TAAR8: variants seen among roughly 807,000 people sequenced by gnomAD.
TAAR8 encodes trace amine-associated receptor 8.
For missense variants in TAAR8, 459 were observed against 405.8 expected (o/e 1.13, Z -1.13); for synonymous variants, 157 against 152.7 (o/e 1.03, Z -0.21).
In TAAR8 at chr6:132,553,124, C is replaced by T. The variant is rs537371286; in HGVS notation, c.432C>T (p.Thr144=). 2.7e-5 allele frequency: 44 copies of T among 1,614,148 alleles called. No individual in the cohort carries two copies. The South Asian group carries it at 3.1e-4, about 11-fold the overall frequency. The stretch of plus-strand genomic sequence containing the variant: ...CCCTGGTCTATGCTACCAAGTTCAC[C>T]GTGTCTGTGTCGGGAATTTGCATCA... The change falls in exon 1 of 1, where the codon ACC becomes ACT. Residue 144 remains threonine (T), a synonymous_variant. Coordinates refer to ENST00000275200, the Ensembl canonical transcript of TAAR8.
exon 1 of TAAR8, chr6:132,553,267 T>C (rs146818293): frequency 1.6e-3 from 2,642 of 1,614,196 alleles, no homozygotes; most frequent in Non-Finnish European, 2.1e-3. Context: ...TGTCAAATTA[T>C]TGTAAGTCAA....
exon 1 of TAAR8, chr6:132,552,748 G>T (rs189238015): frequency 6.2e-7 from 1 of 1,614,150 alleles, no homozygotes; most frequent in African/African-American, 1.3e-5. Context: ...GATGTGAATG[G>T]ATCTTGTATT....
In TAAR8 at chr6:132,553,286, G is replaced by A. The variant is rs571489659; in HGVS notation, c.594G>A (p.Val198=). The A allele has an allele frequency of 1.5e-5, 25 of 1,614,152 alleles. No homozygotes were observed. The African/African-American group carries it at 3.1e-4, about 20-fold the overall frequency. ...AAATTATTGTAAGTCAAGGCTGGGT[G>A]TTGATAGATTTTCTGTTATTCTTCA... is the stretch of plus-strand genomic sequence containing the variant. The change falls in exon 1 of 1, where the codon GTG becomes GTA. Residue 198 remains valine (V), a synonymous_variant. Transcript: ENST00000275200.
chr6:132,553,224 G>T lies in TAAR8; in HGVS notation c.532G>T (p.Glu178Ter). The stretch of plus-strand genomic sequence containing the variant: ...AGGTGTCAATGATGATGGGCTGGAG[G>T]AATTAGTAAGTGCTCTCAACTGCGT... The change falls in exon 1 of 1, where the codon GAA (glutamate) becomes TAA (stop). Residue 178 changes from glutamate to a stop codon, truncating the protein, a stop_gained. Transcript: ENST00000275200. LOFTEE classifies it low-confidence loss of function (END_TRUNC). 1 of 1,614,180 alleles carries T rather than the reference G, an allele frequency of 6.2e-7. No homozygotes were observed. Among genetic ancestry groups the T allele is most frequent in the Non-Finnish European group, 8.5e-7 (1 of 1,180,034 alleles).
chr6:132,553,109 T>C (rs1361456312), exon 1 of TAAR8: 1 of 1,614,230 alleles, frequency 6.2e-7, no homozygotes, highest in Admixed American at 1.7e-5. Context: ...CCCTGGTCTA[T>C]GCTACCAAGT....
chr6:132,553,186 C>T (rs200069565), exon 1 of TAAR8: 2 of 1,614,196 alleles, frequency 1.2e-6, no homozygotes, highest in Non-Finnish European at 8.5e-7. Context: ...TACAGCGGTG[C>T]TGTGTTCTAC....
At chr6:132,552,900 A>T (rs1466137057) in exon 1 of TAAR8, 3 of 1,613,886 alleles carry the variant, frequency 1.9e-6, no homozygotes, top group African/African-American at 2.7e-5. Flanking sequence ...CAATTTTCTC[A>T]TTGCCTCTCT....
exon 1 of TAAR8, chr6:132,553,716 G>C (rs540555490): frequency 6.5e-7 from 1 of 1,527,380 alleles, no homozygotes; most frequent in African/African-American, 1.4e-5. Context: ...TTTATTTTTA[G>C]AATAAGTTTA....
At chr6:132,553,475 C>T (rs1399480610) in exon 1 of TAAR8, 5 of 1,613,984 alleles carry the variant, frequency 3.1e-6, no homozygotes, top group African/African-American at 2.7e-5. Context: ...CCCTGGGGGT[C>T]ACGGTACTAG....
At chr6:132,552,973 A>G in exon 1 of TAAR8, 1 of 1,614,118 alleles carries the variant, frequency 6.2e-7, no homozygotes, top group South Asian at 1.1e-5. Flanking sequence ...AGGACGGTGG[A>G]GAGCTGCTGG....
chr6:132,553,380 A>G (rs1165116268), exon 1 of TAAR8: 1 of 1,614,174 alleles, frequency 6.2e-7, no homozygotes, highest in Non-Finnish European at 8.5e-7. Context: ...AGCTATAAAA[A>G]TTGAAACTAC....
chr6:132,553,603 C>A lies in TAAR8; in HGVS notation c.911C>A (p.Ala304Asp), dbSNP rs371469740. 6.2e-6 allele frequency: 10 copies of A among 1,613,884 alleles called. No homozygotes were observed. The African/African-American group carries it at 1.3e-4, about 22-fold the overall frequency. ...TGTTGGAGTGCTTATTATAACTCAG[C>A]CATGAATCCTTTGATTTATGCTCTA... The change falls in exon 1 of 1, where the codon GCC (alanine) becomes GAC (aspartate). Residue 304 changes from alanine to aspartate, a missense_variant. By Grantham distance (126) the Ala-to-Asp change is moderately radical. Transcript: ENST00000275200.
rs148342485 is a variant in TAAR8, at chr6:132,553,271, A to G, written c.579A>G (p.Val193=). The G allele has an allele frequency of 2.5e-3, 3,993 of 1,614,184 alleles. 101 individuals are homozygous for G. In the Admixed American group the frequency reaches 0.039, roughly 16 times the overall value. ...GCGTAGGTGGCTGTCAAATTATTGT[A>G]AGTCAAGGCTGGGTGTTGATAGATT... The change falls in exon 1 of 1, where the codon GTA becomes GTG. Residue 193 remains valine (V), a synonymous_variant. Coordinates refer to ENST00000275200, the Ensembl canonical transcript of TAAR8.
chr6:132,552,683 C>T, upstream of TAAR8: 1 of 1,594,500 alleles, frequency 6.3e-7, no homozygotes, highest in Non-Finnish European at 8.6e-7. Flanking sequence ...AAACAACAAA[C>T]AGCAGAACCA....
exon 1 of TAAR8, chr6:132,553,104 G>C: frequency 6.2e-7 from 1 of 1,614,102 alleles, no homozygotes; most frequent in Non-Finnish European, 8.5e-7. Context: ...TGATCCCCTG[G>C]TCTATGCTAC....
exon 1 of TAAR8, chr6:132,553,675 A>G: frequency 1.2e-6 from 2 of 1,609,820 alleles, no homozygotes; most frequent in Non-Finnish European, 1.7e-6. Context: ...TTAAGTGGAG[A>G]TGTTTTAAAG....
At chr6:132,552,918 G>T (rs1776401550) in exon 1 of TAAR8, 1 of 1,614,190 alleles carries the variant, frequency 6.2e-7, no homozygotes, top group African/African-American at 1.3e-5. Flanking sequence ...TCTGGCCTGT[G>T]CTGACTTCTT....
chr6:132,552,774 C>G (rs758055262), exon 1 of TAAR8: 15 of 1,614,200 alleles, frequency 9.3e-6, no homozygotes, highest in Non-Finnish European at 1.3e-5. Flanking sequence ...TCCCTATTCT[C>G]CTGGGTCCCG....
chr6:132,552,700 G>A, exon 1 of TAAR8: 1 of 1,604,686 alleles, frequency 6.2e-7, no homozygotes, highest in Non-Finnish European at 8.5e-7. Context: ...ACCATGACCA[G>A]CAATTTTTCC....
Sources: allele counts gnomAD v4.1 joint callset, GRCh38; gene constraint gnomAD v4.1.1; transcripts MANE v1.5; gene names NCBI Gene and HGNC (gene_info 2026-07-23, HGNC 2026-07-21).